The following IPO5 variants were observed in gnomAD, a reference collection of about 807,000 sequenced individuals.
IPO5 encodes the protein importin 5.
In IPO5, 18 loss-of-function variants were observed where a neutral mutation model predicts 143.3. The ratio of observed to expected loss-of-function variants is 0.13; its 90% CI spans 0.09 to 0.19. The LOEUF (loss-of-function observed/expected upper bound fraction) is 0.19. IPO5 is among the 10% of genes least tolerant of loss of function. The pLI is 1.00. For missense variants in IPO5, 1,013 were observed against 1,336.9 expected, an observed-to-expected ratio of 0.76 and a Z score of 3.78; for synonymous variants, 477 against 465.7, an observed-to-expected ratio of 1.02 and a Z score of -0.31.
intron 11 of IPO5, among the ~76,000 whole-genome samples, chr13:97,997,194 G>C (rs563820395): frequency 1.3e-5 from 2 of 152,250 alleles, no homozygotes; most frequent in East Asian, 1.9e-4. Context: ...ATTTTGTATA[G>C]AGATATGGAA....
At position 97,990,402 on chromosome 13, in the gene IPO5, CAT is replaced by C. The variant is rs758763566; in HGVS notation, c.565-30_565-29del. The C allele has an allele frequency of 4.7e-6, 7 of 1,484,968 alleles. No individual in the cohort carries two copies. The East Asian group carries it at 9.0e-5, about 19-fold the overall frequency. The allele number at this position is 1,484,968 out of a possible 1,614,324, so 92.0% of individuals were successfully genotyped here. ...GAATTTGCGTTTATCAAAAATTTCT[CAT>C]GTTTGACATTTTTTCCTCTTGATTT... On this transcript the variant is annotated intron_variant, in intron 8 of 28. Coordinates refer to ENST00000651721, the MANE Select transcript of IPO5 (RefSeq NM_002271.6).
In IPO5 at chr13:98,022,051, T is replaced by C. The variant is rs1043956388; in HGVS notation, c.*229T>C. On this transcript the variant is annotated 3_prime_UTR_variant, in exon 29 of 29. Transcript: ENST00000651721. ...CTGGAAGCCCTGCGGTAGCTAGCAC[T>C]GAAGACTATTTTTCTATTGGTATAA... 3 of 378,294 alleles carry C rather than the reference T, an allele frequency of 7.9e-6. No homozygotes were observed. Among genetic ancestry groups the C allele is most frequent in the Non-Finnish European group, 1.4e-5 (3 of 208,758 alleles). 23.4% of individuals were successfully genotyped at this position (378,294 alleles called of 1,614,324 possible).
rs371721757 is a variant in IPO5 at position 98,010,231 on chromosome 13, G to C, written c.2055+7G>C. On this transcript the variant is annotated splice_region_variant and intron_variant, in intron 20 of 28. Transcript: ENST00000651721. ...AACTGCTTGCCAGATGTTGGTAAGA[G>C]AGCACTGTTTTTACTAAACTTTTAT... 6.2e-6 allele frequency: 10 copies of C among 1,611,660 alleles called. No homozygotes were observed. Among genetic ancestry groups the C allele is most frequent in the Middle Eastern group, 1.6e-4 (1 of 6,064 alleles).
chr13:97,981,391 A>G (rs555103525), intron 4 of IPO5: 12 of 381,184 alleles, frequency 3.1e-5, no homozygotes, highest in Admixed American at 1.1e-4. Flanking sequence ...TTCATTGTCT[A>G]TGATCTTAGG....
At chr13:97,962,970 C>T (rs1272848193) in intron 2 of IPO5, among the ~76,000 whole-genome samples, 2 of 152,160 alleles carry the variant, frequency 1.3e-5, no homozygotes, top group East Asian at 3.9e-4. Context: ...ATCTGAAGGG[C>T]AAACCAGCAG....
chr13:97,982,413 A>G, intron 4 of IPO5, 90 bp from the exon 5 acceptor site: 1 of 808,172 alleles, frequency 1.2e-6, no homozygotes, highest in Middle Eastern at 2.3e-4. Flanking sequence ...ATAATTTCTC[A>G]TGCATCCTTC....
At chr13:97,977,127 C>G (rs1339388428) in intron 4 of IPO5, 1 of 156,894 alleles carries the variant, frequency 6.4e-6, no homozygotes, top group Non-Finnish European at 1.4e-5. Context: ...CCCCGCTTGC[C>G]CCTTTCCCGC....
rs200546717 is a variant in IPO5 at position 98,018,593 on chromosome 13, C to T, written c.2725C>T (p.Pro909Ser). Residue 909 changes from proline (P) to serine (S), a missense_variant, in exon 26 of 29, where the codon CCA becomes TCA. Transcript: ENST00000651721. ...TAAATACGCAGAATATTTCTTAAGA[C>T]CAATGCTCCAATATGTATGTGACAA... ...SFKYAEYFLR[P>S]MLQYVCDNSP... 3 of 1,614,028 alleles carry T rather than the reference C, an allele frequency of 1.9e-6. No individual in the cohort carries two copies. Among genetic ancestry groups the T allele is most frequent in the African/African-American group, 2.7e-5 (2 of 75,038 alleles).
At chr13:98,012,770 A>C (rs1889808966) in intron 21 of IPO5, among the ~76,000 whole-genome samples, 1 of 150,052 alleles carries the variant, frequency 6.7e-6, no homozygotes, top group African/African-American at 2.5e-5. Flanking sequence ...GCTGGGACCC[A>C]GGTGCACAAC....
intron 3 of IPO5, among the ~76,000 whole-genome samples, chr13:97,973,853 C>T (rs1291447664): frequency 1.3e-5 from 2 of 151,896 alleles, no homozygotes; most frequent in African/African-American, 2.4e-5. Flanking sequence ...GAGGATCGCC[C>T]GAACTCAGGA....
At chr13:97,991,620 G>A (rs931925992) in intron 9 of IPO5, among the ~76,000 whole-genome samples, 7 of 152,124 alleles carry the variant, frequency 4.6e-5, no homozygotes, top group African/African-American at 1.4e-4. Context: ...ACTCAAATGC[G>A]CATTTCCTTT....
At chr13:97,991,290 T>G (rs1463848975) in intron 9 of IPO5, among the ~76,000 whole-genome samples, 2 of 152,150 alleles carry the variant, frequency 1.3e-5, no homozygotes, top group Middle Eastern at 3.2e-3. Flanking sequence ...TTGCTTCTCC[T>G]TATGTAAATG....
chr13:97,999,211 A>G (rs552529123), intron 12 of IPO5, among the ~76,000 whole-genome samples: 6 of 152,202 alleles, frequency 3.9e-5, no homozygotes, highest in South Asian at 4.1e-4. Flanking sequence ...TAGGTTAATA[A>G]AAGTAAAAAT....
intron 22 of IPO5, among the ~76,000 whole-genome samples, 168 bp downstream of exon 22, chr13:98,014,382 A>G (rs1249716461): frequency 1.3e-5 from 2 of 152,138 alleles, no homozygotes; most frequent in African/African-American, 2.4e-5. Context: ...GGTTCAAGCA[A>G]TTCTCATGCC....
At chr13:97,978,318 A>G (rs1886558164) in intron 4 of IPO5, among the ~76,000 whole-genome samples, 3 of 152,218 alleles carry the variant, frequency 2.0e-5, no homozygotes, top group African/African-American at 7.2e-5. Flanking sequence ...ACATTGCCTC[A>G]TAAGTGAGGT....
chr13:97,979,021 T>C (rs754006792), intron 4 of IPO5, among the ~76,000 whole-genome samples: 15 of 152,232 alleles, frequency 9.9e-5, no homozygotes, highest in Admixed American at 9.2e-4. Flanking sequence ...AGTACTGTGA[T>C]ACAGAATTTT....
chr13:98,006,026 G>C lies in IPO5; in HGVS notation c.1498-104G>C, dbSNP rs1446678751. 4 of 743,536 alleles carry C rather than the reference G, an allele frequency of 5.4e-6. No individual in the cohort carries two copies. In the African/African-American group the frequency reaches 7.0e-5, roughly 13 times the overall value. The allele number at this position is 743,536 out of a possible 1,614,324, so 46.1% of individuals were successfully genotyped here. On this transcript the variant is annotated intron_variant, in intron 16 of 28. Coordinates refer to ENST00000651721, the MANE Select transcript of IPO5 (RefSeq NM_002271.6). ...GCTTCTGGAGAGGTGGTCTCATTCT[G>C]CTGTTTCAGAAAAGCATTCAAGAAC...
At chr13:98,011,605 C>A (rs186848886) in intron 20 of IPO5, among the ~76,000 whole-genome samples, 4 of 151,782 alleles carry the variant, frequency 2.6e-5, no homozygotes, top group Admixed American at 2.6e-4. Flanking sequence ...CTCCTGGGTT[C>A]AAGCGATTCT....
In IPO5 at chr13:97,969,846, TG is replaced by T; in HGVS notation, c.-5+20del. The T allele has an allele frequency of 6.3e-7, 1 of 1,590,822 alleles. No individual in the cohort carries two copies. Among genetic ancestry groups the T allele is most frequent in the Non-Finnish European group, 8.6e-7 (1 of 1,164,394 alleles). On this transcript the variant is annotated intron_variant, in intron 3 of 28. Coordinates refer to ENST00000651721, the MANE Select transcript of IPO5 (RefSeq NM_002271.6). The stretch of plus-strand genomic sequence containing the variant: ...ACACAATAAGGTAACTGATTTCACC[TG>T]GGGAAAAGTCACTTCCTGTTTTGTT...
Sources: allele counts gnomAD v4.1 joint callset (sites outside exome capture counted in the v4.1 genomes callset), GRCh38; gene constraint gnomAD v4.1.1; transcripts MANE v1.5; gene names NCBI Gene and HGNC (gene_info 2026-07-23, HGNC 2026-07-21).